Variants in SYN3 observed in about 807,000 individuals in gnomAD.
SYN3 encodes synapsin III, also known as synapsin-3.
A neutral mutation model predicts 65.8 loss-of-function variants in SYN3; 35 were observed. That is an observed-to-expected ratio of 0.53 (90% CI 0.41 to 0.70). The LOEUF is 0.70. Ranked by LOEUF, SYN3 falls within the 30% of genes least tolerant of loss-of-function variation. SYN3 has a pLI of 0.00. For synonymous variants in SYN3, 270 were observed against 292.9 expected, an observed-to-expected ratio of 0.92 and a Z score of 0.80; for missense variants, 680 against 749.0, an observed-to-expected ratio of 0.91 and a Z score of 1.08.
intron 4 of SYN3, among the ~76,000 whole-genome samples, chr22:32,920,649 T>C (rs1471661818): frequency 6.6e-6 from 1 of 152,186 alleles, no homozygotes; most frequent in African/African-American, 2.4e-5. Context: ...CCTGGTCTAT[T>C]TTGTCCACTG....
chr22:32,903,234 A>G (rs917760447), intron 4 of SYN3, among the ~76,000 whole-genome samples: 3 of 152,194 alleles, frequency 2.0e-5, no homozygotes, highest in African/African-American at 7.2e-5. Flanking sequence ...TGCTATAATT[A>G]TCTCTTCATC....
intron 2 of SYN3, among the ~76,000 whole-genome samples, chr22:33,000,405 G>A (rs942750664): frequency 6.6e-6 from 1 of 152,132 alleles, no homozygotes; most frequent in African/African-American, 2.4e-5. Context: ...TATTTCTCCT[G>A]AAGATGAAAG....
At chr22:32,653,274 A>AG (rs1416475305) in intron 6 of SYN3, among the ~76,000 whole-genome samples, 2 of 152,156 alleles carry the variant, frequency 1.3e-5, no homozygotes, top group African/African-American at 4.8e-5. Context: ...AGAAAAAAAA[A>AG]AAAAGGTATG....
chr22:32,848,981 G>A (rs1485246814), intron 6 of SYN3, among the ~76,000 whole-genome samples: 1 of 152,186 alleles, frequency 6.6e-6, no homozygotes, highest in Admixed American at 6.6e-5. Context: ...CTGTAGACAT[G>A]TCAAGATGTG....
At chr22:32,927,410 T>G in intron 4 of SYN3, among the ~76,000 whole-genome samples, 1 of 151,828 alleles carries the variant, frequency 6.6e-6, no homozygotes, top group Non-Finnish European at 1.5e-5. Context: ...GGAGGATTTC[T>G]GCTATTTTTT....
In SYN3 at chr22:32,511,199, A is replaced by G. The variant is rs969743406; in HGVS notation, c.*2493T>C. On this transcript the variant is annotated 3_prime_UTR_variant, in exon 14 of 14. Transcript: ENST00000358763. Reference sequence around the variant, plus strand: ...TGGCTTTCTTCAGAAATTCCAAGGGAGTGGTGAAAGAATTAAGTGAGCAGC... The same window carrying G: ...TGGCTTTCTTCAGAAATTCCAAGGGGGTGGTGAAAGAATTAAGTGAGCAGC... 6.6e-6 allele frequency among the ~76,000 whole-genome samples: 1 copy of G among 151,998 alleles called. No homozygotes were observed. The highest frequency in any genetic ancestry group is 1.5e-5 in the Non-Finnish European group (1 of 68,004).
At chr22:32,851,771 C>T (rs1392769384) in intron 6 of SYN3, among the ~76,000 whole-genome samples, 1 of 152,152 alleles carries the variant, frequency 6.6e-6, no homozygotes. Context: ...AATCATCAGT[C>T]ACCATCTCAT....
At chr22:32,548,837 C>T (rs12483915) in intron 7 of SYN3, among the ~76,000 whole-genome samples, 10,576 of 152,174 alleles carry the variant, frequency 0.069, 411 homozygotes, top group East Asian at 0.12. Flanking sequence ...ATGGTATGCA[C>T]GCAAGGCTGT....
chr22:33,012,450 T>C (rs530617314), intron 1 of SYN3, among the ~76,000 whole-genome samples: 3 of 152,246 alleles, frequency 2.0e-5, no homozygotes, highest in Non-Finnish European at 4.4e-5. Flanking sequence ...ATGTTCCAGA[T>C]GCACTTGGAA....
intron 4 of SYN3, among the ~76,000 whole-genome samples, chr22:32,876,467 C>T (rs1022466144): frequency 1.3e-5 from 2 of 151,978 alleles, no homozygotes; most frequent in Non-Finnish European, 2.9e-5. Context: ...AGGAGTAAGT[C>T]AACAAATTGA....
intron 12 of SYN3, among the ~76,000 whole-genome samples, chr22:32,524,277 G>A (rs2057938473): frequency 6.6e-6 from 1 of 152,212 alleles, no homozygotes; most frequent in African/African-American, 2.4e-5. Flanking sequence ...ATACTATCTA[G>A]GGCTTTCATA....
At chr22:32,820,253 T>TGTGTGTGTGTGCGTGCGC (rs2047200646) in intron 6 of SYN3, among the ~76,000 whole-genome samples, 1 of 150,164 alleles carries the variant, frequency 6.7e-6, no homozygotes, top group African/African-American at 2.4e-5. Context: ...TGTGTGTGTG[T>TGTGTGTGTGTGCGTGCGC]GTGTGTGTGC....
At chr22:32,599,105 G>A (rs2059244435) in intron 6 of SYN3, among the ~76,000 whole-genome samples, 1 of 152,044 alleles carries the variant, frequency 6.6e-6, no homozygotes, top group South Asian at 2.1e-4. Context: ...GATTTGTTCT[G>A]TTTTTACAAA....
intron 6 of SYN3, among the ~76,000 whole-genome samples, chr22:32,831,616 TTCTCGGCATTCTTTAG>T (rs745475463): frequency 6.6e-5 from 10 of 152,216 alleles, no homozygotes; most frequent in Non-Finnish European, 1.5e-4. Flanking sequence ...AGCCCTTATC[TTCTCGGCATTCTTTAG>T]AATTCTTCTG....
At chr22:32,732,792 G>A (rs2061287337) in intron 6 of SYN3, among the ~76,000 whole-genome samples, 1 of 152,194 alleles carries the variant, frequency 6.6e-6, no homozygotes, top group African/African-American at 2.4e-5. Context: ...AGAACTTACA[G>A]ATGGAAACCA....
At chr22:32,685,938 T>C (rs1447108548) in intron 6 of SYN3, among the ~76,000 whole-genome samples, 1 of 152,158 alleles carries the variant, frequency 6.6e-6, no homozygotes, top group Non-Finnish European at 1.5e-5. Context: ...GATGGGAAAA[T>C]GTGCCTGTTA....
intron 6 of SYN3, among the ~76,000 whole-genome samples, chr22:32,804,590 T>A (rs2046674934): frequency 6.6e-6 from 1 of 152,214 alleles, no homozygotes; most frequent in Non-Finnish European, 1.5e-5. Flanking sequence ...GGCCTGGTCC[T>A]CTCCGGGGGG....
intron 7 of SYN3, among the ~76,000 whole-genome samples, chr22:32,556,741 G>C (rs534147261): frequency 6.6e-6 from 1 of 151,214 alleles, no homozygotes; most frequent in African/African-American, 2.4e-5. Flanking sequence ...GGGCTGGGGG[G>C]AGGAGGTATA....
At chr22:32,971,940 C>T (rs548468699) in intron 3 of SYN3, among the ~76,000 whole-genome samples, 3 of 152,286 alleles carry the variant, frequency 2.0e-5, no homozygotes, top group African/African-American at 7.2e-5. Context: ...TGAAGCCGGA[C>T]AGCCCTTCAG....
Sources: allele counts gnomAD v4.1 joint callset (sites outside exome capture counted in the v4.1 genomes callset), GRCh38; gene constraint gnomAD v4.1.1; transcripts MANE v1.5; gene names NCBI Gene and HGNC (gene_info 2026-07-23, HGNC 2026-07-21).